Variants in AGL observed in about 807,000 individuals in gnomAD.
AGL encodes the protein glycogen debranching enzyme.
Under a neutral mutation model 199.3 loss-of-function variants are expected in AGL, and 128 were observed. The observed-to-expected ratio is 0.64, with a 90% CI of 0.56 to 0.74. The LOEUF (loss-of-function observed/expected upper bound fraction) is 0.74, where lower values mean the gene tolerates loss of function less well. AGL is among the 30% of genes least tolerant of loss of function. AGL has a pLI of 0.00. For synonymous variants in AGL, 584 were observed against 594.7 expected (o/e 0.98, Z 0.26); for missense variants, 1,809 against 1,820.8 (o/e 0.99, Z 0.12).
At chr1:99,917,884 C>T (rs1655249225) in intron 33 of AGL, among the ~76,000 whole-genome samples, 1 of 152,140 alleles carries the variant, frequency 6.6e-6, no homozygotes, top group African/African-American at 2.4e-5. Flanking sequence ...ACCCCCCACA[C>T]TACATGGTTA....
intron 26 of AGL, 99 bp downstream of exon 26, chr1:99,900,960 A>C: frequency 1.8e-6 from 2 of 1,100,084 alleles, no homozygotes; most frequent in Non-Finnish European, 2.7e-6. Flanking sequence ...AAGAATCCAA[A>C]TCTTACGAAT....
In AGL at chr1:99,913,637, A is replaced by C. The variant is rs1163024939; in HGVS notation, c.4060A>C (p.Asn1354His). The change falls in exon 30 of 34, where the codon AAT becomes CAT. Residue 1354 changes from asparagine to histidine, a missense_variant. Asn to His is a moderately conservative substitution (Grantham distance 68). Coordinates refer to ENST00000361915, the MANE Select transcript of AGL (RefSeq NM_000642.3). ...DPSDLNEKHPNLVHKRGIYKD... is the reference protein window; with the variant it reads ...DPSDLNEKHPHLVHKRGIYKD... Reference sequence around the variant, plus strand: ...TTCAGATTTAAATGAAAAGCATCCAAATCTGGTTCACAAACGTGGCATATA... The same window carrying C: ...TTCAGATTTAAATGAAAAGCATCCACATCTGGTTCACAAACGTGGCATATA... 2 of 1,613,992 alleles carry C rather than the reference A, an allele frequency of 1.2e-6. No individual in the cohort carries two copies. The highest frequency in any genetic ancestry group is 2.7e-5 in the African/African-American group (2 of 74,928).
Position 99,870,668 on chromosome 1 carries a change from C to G in AGL, c.846+87C>G, listed in dbSNP as rs139023354. The G allele has an allele frequency of 4.7e-6, 7 of 1,499,028 alleles. No homozygotes were observed. The African/African-American group carries it at 7.0e-5, about 15-fold the overall frequency. 92.9% of individuals were successfully genotyped at this position (1,499,028 alleles called of 1,614,324 possible). A position where few individuals can be genotyped will look rare whatever the true frequency, so the allele number is the denominator to read the frequency against. On this transcript the variant is annotated intron_variant, in intron 6 of 33. Coordinates refer to ENST00000361915, the MANE Select transcript of AGL (RefSeq NM_000642.3). Reference sequence around the variant, plus strand: ...TATATGGTTGAAAATTACTTAGAACCTGTATTTTAATATGATAAACAGTAT... The same window carrying G: ...TATATGGTTGAAAATTACTTAGAACGTGTATTTTAATATGATAAACAGTAT...
At chr1:99,880,183 A>T in intron 13 of AGL, 137 bp downstream of exon 13, 1 of 1,318,748 alleles carries the variant, frequency 7.6e-7, no homozygotes, top group Non-Finnish European at 1.1e-6. Flanking sequence ...TGTATGACAT[A>T]TTCTAATATA....
In AGL at chr1:99,922,710, T is replaced by C. The variant is rs1169990096; in HGVS notation, c.*1059T>C. 2 of 152,042 alleles carry C rather than the reference T, an allele frequency of 1.3e-5. No homozygotes were observed. Among genetic ancestry groups the C allele is most frequent in the African/African-American group, 4.8e-5 (2 of 41,450 alleles). The allele number at this position is 152,042 out of a possible 1,614,324, so 9.4% of individuals were successfully genotyped here. A position where few individuals can be genotyped will look rare whatever the true frequency, so the allele number is the denominator to read the frequency against. On this transcript the variant is annotated 3_prime_UTR_variant, in exon 34 of 34. Transcript: ENST00000361915. ...TTAACATTTTTTCATAGAACTTATTTCCTAGATAGAATTTTTTACTGTTTT... is the reference window on the plus strand; with the variant it reads ...TTAACATTTTTTCATAGAACTTATTCCCTAGATAGAATTTTTTACTGTTTT...
intron 27 of AGL, among the ~76,000 whole-genome samples, chr1:99,903,404 C>G (rs1309380819): frequency 9.9e-5 from 15 of 151,954 alleles, no homozygotes; most frequent in Admixed American, 9.2e-4. Context: ...TTTGTCCTTG[C>G]GATAGTTTGC....
At position 99,913,594 on chromosome 1, in the gene AGL, T is replaced by A; in HGVS notation, c.4017T>A (p.Phe1339Leu). ...TACAAGACAACTTTGAAAAGCTATT[T>A]CATGTTTCCGAAGACCCTTCAGATT... ...RKIQDNFEKLFHVSEDPSDLN... is the reference protein window; with the variant it reads ...RKIQDNFEKLLHVSEDPSDLN... Residue 1339 changes from phenylalanine to leucine, a missense_variant, in exon 30 of 34, where the codon TTT becomes TTA. Physicochemically the swap from Phe to Leu is conservative, Grantham distance 22. Transcript: ENST00000361915. The A allele has an allele frequency of 6.2e-7, 1 of 1,614,040 alleles. No individual in the cohort carries two copies. The highest frequency in any genetic ancestry group is 2.2e-5 in the East Asian group (1 of 44,856).
In AGL at chr1:99,923,252, A is replaced by C. The variant is rs1303733614; in HGVS notation, c.*1601A>C. 5.3e-5 allele frequency: 8 copies of C among 152,108 alleles called. No homozygotes were observed. The highest frequency in any genetic ancestry group is 1.4e-4 in the African/African-American group (6 of 41,444). The allele number at this position is 152,108 out of a possible 1,614,324, so 9.4% of individuals were successfully genotyped here. Reference sequence around the variant, plus strand: ...CTTCAGTTCCTTCCTTGTTCAATATATACCCTTCTCTAAACTGTGCGGGTA... The same window carrying C: ...CTTCAGTTCCTTCCTTGTTCAATATCTACCCTTCTCTAAACTGTGCGGGTA... On this transcript the variant is annotated 3_prime_UTR_variant, in exon 34 of 34. Coordinates refer to ENST00000361915, the MANE Select transcript of AGL (RefSeq NM_000642.3).
intron 17 of AGL, among the ~76,000 whole-genome samples, chr1:99,883,800 A>G (rs898864339): frequency 1.4e-4 from 22 of 152,114 alleles, no homozygotes; most frequent in African/African-American, 5.3e-4. Flanking sequence ...TTGTATCCGA[A>G]ATATTCCAAG....
At chr1:99,856,344 C>CT (rs1649441186) in intron 2 of AGL, among the ~76,000 whole-genome samples, 1 of 99,698 alleles carries the variant, frequency 1.0e-5, no homozygotes, top group Non-Finnish European at 2.3e-5. Context: ...CCCTCCCTCC[C>CT]TCCCTCCCTC....
intron 21 of AGL, among the ~76,000 whole-genome samples, chr1:99,890,333 A>G (rs1652780197): frequency 1.3e-5 from 2 of 148,326 alleles, no homozygotes; most frequent in African/African-American, 2.4e-5. Flanking sequence ...TCTGCTGTCC[A>G]TGAAAATGCC....
intron 33 of AGL, among the ~76,000 whole-genome samples, chr1:99,917,517 A>G (rs554158392): frequency 1.3e-5 from 2 of 152,286 alleles, no homozygotes; most frequent in South Asian, 2.1e-4. Flanking sequence ...GTGTAGCACA[A>G]CAGTTTCTGC....
rs1557776553 is a variant in AGL, at chr1:99,896,436, C to G, written c.3362+48C>G. 3 of 1,332,512 alleles carry G rather than the reference C, an allele frequency of 2.3e-6. No individual in the cohort carries two copies. In the East Asian group the frequency reaches 6.9e-5, roughly 31 times the overall value. The allele number at this position is 1,332,512 out of a possible 1,614,324, so 82.5% of individuals were successfully genotyped here. A position where few individuals can be genotyped will look rare whatever the true frequency, so the allele number is the denominator to read the frequency against. On this transcript the variant is annotated intron_variant, in intron 25 of 33. Transcript: ENST00000361915. ...GTACTGCGAGTTTATGTCTGAATGT[C>G]TTTTACATGCTCTTCAAACTTTCCT...
Position 99,864,492 on chromosome 1 carries a change from T to C in AGL, c.567T>C (p.Asn189=). 1 of 1,613,830 alleles carries C rather than the reference T, an allele frequency of 6.2e-7. No individual in the cohort carries two copies. Among genetic ancestry groups the C allele is most frequent in the Non-Finnish European group, 8.5e-7 (1 of 1,179,814 alleles). Residue 189 remains asparagine (N), a synonymous_variant, in exon 5 of 34, where the codon AAT becomes AAC. Coordinates refer to ENST00000361915, the MANE Select transcript of AGL (RefSeq NM_000642.3). ...TAAATCCTGACTTTTCAAGACCTAA[T>C]AGAAAGTATACCTGGAATGATGTTG... ...LELNPDFSRP[N]RKYTWNDVGQ...
At chr1:99,879,543 C>T (rs1440322258) in intron 12 of AGL, among the ~76,000 whole-genome samples, 1 of 152,054 alleles carries the variant, frequency 6.6e-6, no homozygotes. Flanking sequence ...CACATCATGT[C>T]ATTGCACTCC....
intron 30 of AGL, 106 bp from the exon 31 acceptor site, chr1:99,915,283 T>C (rs2100867694): frequency 1.1e-6 from 1 of 916,726 alleles, no homozygotes; most frequent in East Asian, 2.5e-5. Flanking sequence ...CTGACCCTCA[T>C]GGTATTTTAA....
chr1:99,909,549 G>T lies in AGL; in HGVS notation c.3701-1163G>T, dbSNP rs1377317267. 3.9e-5 allele frequency among the ~76,000 whole-genome samples: 6 copies of T among 152,042 alleles called. 1 individual carries two copies. Among genetic ancestry groups the T allele is most frequent in the Admixed American group, 2.6e-4 (4 of 15,268 alleles). ...TCCCTCTTTCCTTTTCCTTTGGCTAGAGTCAATTGGTTTTTCTTGGAACTC... is the reference window on the plus strand; with the variant it reads ...TCCCTCTTTCCTTTTCCTTTGGCTATAGTCAATTGGTTTTTCTTGGAACTC... On this transcript the variant is annotated intron_variant, in intron 27 of 33. Coordinates refer to ENST00000361915, the MANE Select transcript of AGL (RefSeq NM_000642.3).
intron 15 of AGL, 39 bp downstream of exon 15, chr1:99,881,216 A>G: frequency 6.2e-7 from 1 of 1,613,100 alleles, no homozygotes; most frequent in African/African-American, 1.3e-5. Flanking sequence ...TACATGGCCA[A>G]CAACTTTGGG....
intron 2 of AGL, chr1:99,852,757 A>G (rs1649085263): frequency 1.3e-6 from 1 of 779,202 alleles, no homozygotes. Flanking sequence ...TTTGAGACTC[A>G]AAATTAATAA....
Sources: gnomAD v4.1 joint callset for allele counts (sites outside exome capture counted in the v4.1 genomes callset) on GRCh38, gnomAD v4.1.1 for gene constraint, MANE v1.5 for transcripts, NCBI Gene and HGNC (gene_info 2026-07-23, HGNC 2026-07-21) for gene names.